The following INF2 variants were observed in gnomAD, a reference collection of about 807,000 sequenced individuals.
INF2 encodes inverted formin 2, also known as inverted formin-2.
INF2 carries 43 observed loss-of-function variants against 123.5 expected under a neutral mutation model. The observed-to-expected ratio is 0.35, with a 90% CI of 0.27 to 0.45. INF2 has a LOEUF of 0.45. INF2 is among the 20% of genes least tolerant of loss of function. The probability of loss-of-function intolerance (pLI) is 1.00; values close to 1 mark genes in which losing one functional copy is unlikely to be tolerated. For missense variants in INF2, 1,453 were observed against 1,682.7 expected (o/e 0.86, Z 2.39); for synonymous variants, 851 against 745.0 (o/e 1.14, Z -2.32).
intron 5 of INF2, 117 bp from the exon 6 acceptor site, chr14:104,705,918 G>C (rs536284551): frequency 2.7e-5 from 35 of 1,316,368 alleles, no homozygotes; most frequent in Non-Finnish European, 3.2e-5. Context: ...CTATGGCCTG[G>C]CTCAGAGTCC....
rs75115369 is a variant in INF2 at position 104,701,762 on chromosome 14, C to T, written c.391+6C>T. On this transcript the variant is annotated splice_donor_region_variant and intron_variant, in intron 2 of 22. Coordinates refer to ENST00000392634, the MANE Select transcript of INF2 (RefSeq NM_022489.4). Reference sequence around the variant, plus strand: ...CGTGCGCCAGCTCTCCCAGGGTGAGCCGCAGTGTGGGAGGGCCGCCCAGGC... The same window carrying T: ...CGTGCGCCAGCTCTCCCAGGGTGAGTCGCAGTGTGGGAGGGCCGCCCAGGC... 10,206 of 1,496,660 alleles carry T rather than the reference C, an allele frequency of 6.8e-3. 627 individuals carry two copies. In the African/African-American group the frequency reaches 0.13, roughly 19 times the overall value. 92.7% of individuals were successfully genotyped at this position (1,496,660 alleles called of 1,614,324 possible). A position where few individuals can be genotyped will look rare whatever the true frequency, so the allele number is the denominator to read the frequency against.
chr14:104,691,939 CCAGGCCAGGAGAG>C (rs1186807770), intron 1 of INF2, among the ~76,000 whole-genome samples: 2 of 152,208 alleles, frequency 1.3e-5, no homozygotes, highest in African/African-American at 4.8e-5. Context: ...CTGGCAACCA[CCAGGCCAGGAGAG>C]CAGGGCAGAC....
chr14:104,694,067 C>G (rs781191886), intron 1 of INF2, among the ~76,000 whole-genome samples: 22 of 152,246 alleles, frequency 1.4e-4, no homozygotes, highest in Admixed American at 1.3e-4. Flanking sequence ...AGAGGGCCCC[C>G]CCGGCTGCCC....
Position 104,699,300 on chromosome 14 carries a change from C to T in INF2, c.-9-2057C>T. On this transcript the variant is annotated intron_variant, in intron 1 of 22. Transcript: ENST00000392634. The surrounding 1 kb of genome is among the most constrained non-coding windows in gnomAD (Gnocchi z 4.7). ...AGCCTGTGCCAAGGGGACAGGGACTCCGGCCAATGGAGGCGGGGGAGGAAA... is the reference window on the plus strand; with the variant it reads ...AGCCTGTGCCAAGGGGACAGGGACTTCGGCCAATGGAGGCGGGGGAGGAAA... The T allele has an allele frequency of 2.8e-6, 2 of 704,404 alleles. No individual in the cohort carries two copies. The highest frequency in any genetic ancestry group is 3.5e-6 in the Non-Finnish European group (2 of 574,144). 43.6% of individuals were successfully genotyped at this position (704,404 alleles called of 1,614,324 possible). A position where few individuals can be genotyped will look rare whatever the true frequency, so the allele number is the denominator to read the frequency against.
At position 104,713,437 on chromosome 14, in the gene INF2, C is replaced by T. The variant is rs1379822832; in HGVS notation, c.2879-8C>T. ...CATGCCGCTCTCTGAGTGCCCCACG[C>T]TCCTCAGTCAGGAAGGGGCCCGGGA... On this transcript the variant is annotated splice_region_variant and splice_polypyrimidine_tract_variant and intron_variant, in intron 19 of 22. Transcript: ENST00000392634. 7 of 1,608,792 alleles carry T rather than the reference C, an allele frequency of 4.4e-6. No homozygotes were observed. The highest frequency in any genetic ancestry group is 5.9e-6 in the Non-Finnish European group (7 of 1,178,322).
intron 1 of INF2, among the ~76,000 whole-genome samples, chr14:104,694,634 C>T (rs969256879): frequency 2.6e-5 from 4 of 152,294 alleles, no homozygotes; most frequent in South Asian, 2.1e-4. Context: ...GGTCACAGGC[C>T]GGTCAGCGGA....
chr14:104,684,393 T>C lies in INF2; in HGVS notation c.-104+2811T>C. On this transcript the variant is annotated intron_variant, in intron 1 of 2. Transcript: ENST00000674723. The surrounding 1 kb of genome is among the most constrained non-coding windows in gnomAD (Gnocchi z 5.0). ...CCTCAGCTTTCAGCGGATAGGTTTG[T>C]GCAACGAAATATTTCATAGAAATCA... 1 of 286,356 alleles carries C rather than the reference T, an allele frequency of 3.5e-6. No individual in the cohort carries two copies. Among genetic ancestry groups the C allele is most frequent in the Non-Finnish European group, 6.9e-6 (1 of 144,770 alleles). The allele number at this position is 286,356 out of a possible 1,614,324, so 17.7% of individuals were successfully genotyped here.
chr14:104,712,574 G>A lies in INF2; in HGVS notation c.2610+21G>A, dbSNP rs780589311. The A allele has an allele frequency of 5.0e-6, 8 of 1,612,346 alleles. No homozygotes were observed. The Admixed American group carries it at 8.3e-5, about 17-fold the overall frequency. On this transcript the variant is annotated intron_variant, in intron 17 of 22. Coordinates refer to ENST00000392634, the MANE Select transcript of INF2 (RefSeq NM_022489.4). ...TCCAGGCAAGTGGGCACCTGGGCCT[G>A]GGGCTGGCGGGAGAGGCTGCCCTGA...
chr14:104,709,542 G>T, intron 11 of INF2, 78 bp from the exon 12 acceptor site: 1 of 1,402,266 alleles, frequency 7.1e-7, no homozygotes, highest in East Asian at 2.3e-5. Context: ...GGCACTGGAG[G>T]GGCTGAGCCC....
Position 104,701,500 on chromosome 14 carries a change from C to G in INF2, c.135C>G (p.Pro45=). The change falls in exon 2 of 23, where the codon CCC becomes CCG. Residue 45 remains proline (P), a synonymous_variant. Transcript: ENST00000392634. Reference sequence around the variant, plus strand: ...TGTGCATCCGGCTGCTCCAGATGCCCTCTGTGGTCAACTACTCCGGCCTGC... The same window carrying G: ...TGTGCATCCGGCTGCTCCAGATGCCGTCTGTGGTCAACTACTCCGGCCTGC... ...PELCIRLLQM[P]SVVNYSGLRK... 1.2e-6 allele frequency: 2 copies of G among 1,605,342 alleles called. No homozygotes were observed. Among genetic ancestry groups the G allele is most frequent in the Non-Finnish European group, 1.7e-6 (2 of 1,176,522 alleles).
chr14:104,700,425 A>C (rs1017345121), intron 1 of INF2, among the ~76,000 whole-genome samples: 1 of 152,202 alleles, frequency 6.6e-6, no homozygotes, highest in Non-Finnish European at 1.5e-5. Context: ...TCCCTCCCCG[A>C]GGCTCCACGC....
upstream of INF2, among the ~76,000 whole-genome samples, chr14:104,688,304 G>T (rs570948023): frequency 1.3e-5 from 2 of 152,254 alleles, no homozygotes; most frequent in Admixed American, 6.5e-5. Flanking sequence ...GGCAAGGTCC[G>T]CACAGGGAGC....
intron 1 of INF2, among the ~76,000 whole-genome samples, chr14:104,694,700 G>A (rs1041520684): frequency 1.3e-5 from 2 of 152,108 alleles, no homozygotes; most frequent in African/African-American, 4.8e-5. Context: ...CCTGGTAGCA[G>A]CCCCTGGCCG....
At chr14:104,715,906 T>C (rs1890277949) in intron 22 of INF2, 3 of 456,338 alleles carry the variant, frequency 6.6e-6, no homozygotes, top group Middle Eastern at 6.5e-4. Context: ...ACCCCCCTCC[T>C]GTTGGACAGT....
chr14:104,702,223 ACCCTCCACCTCCCAGCGCCTT>A, intron 2 of INF2, among the ~76,000 whole-genome samples: 1 of 151,522 alleles, frequency 6.6e-6, no homozygotes, highest in South Asian at 2.1e-4. Context: ...TGATGGTGTC[ACCCTCCACCTCCCAGCGCCTT>A]CCCTAGCGCC....
intron 13 of INF2, 193 bp from the exon 14 acceptor site, chr14:104,710,744 T>G (rs893382954): frequency 1.0e-5 from 6 of 599,146 alleles, no homozygotes; most frequent in Non-Finnish European, 1.8e-5. Context: ...TCAGGCACAC[T>G]GTAGGTGTCC....
intron 5 of INF2, chr14:104,704,173 C>T (rs1451174130): frequency 6.9e-7 from 1 of 1,439,170 alleles, no homozygotes; most frequent in Non-Finnish European, 9.1e-7. Flanking sequence ...TTGCAGCAGC[C>T]ATAGAAAGGA....
chr14:104,688,658 G>A (rs113821377), upstream of INF2, among the ~76,000 whole-genome samples: 496 of 152,374 alleles, frequency 3.3e-3, 5 homozygotes, highest in African/African-American at 0.011. Flanking sequence ...TGCTGGCGCC[G>A]GTTCTCAGGG....
chr14:104,706,813 G>A, intron 6 of INF2, 97 bp from the exon 7 acceptor site: 1 of 1,381,336 alleles, frequency 7.2e-7, no homozygotes, highest in Non-Finnish European at 9.9e-7. Flanking sequence ...GGAATAGAGG[G>A]GGTGATGGGG....
Sources: allele counts gnomAD v4.1 joint callset (sites outside exome capture counted in the v4.1 genomes callset), GRCh38; gene constraint gnomAD v4.1.1; non-coding constraint Gnocchi (gnomAD v3.1); transcripts MANE v1.5; gene names NCBI Gene and HGNC (gene_info 2026-07-23, HGNC 2026-07-21).